Variants in CAB39L observed in about 807,000 individuals in gnomAD.
The protein encoded by CAB39L is calcium binding protein 39 like.
A neutral mutation model predicts 39.1 loss-of-function variants in CAB39L; 23 were observed. The observed-to-expected ratio is 0.59, with a 90% CI of 0.42 to 0.83. The LOEUF (loss-of-function observed/expected upper bound fraction) is 0.83. Ranked by LOEUF, CAB39L falls within the 40% of genes least tolerant of loss-of-function variation. The probability of loss-of-function intolerance (pLI) is 0.00; values close to 1 mark genes in which losing one functional copy is unlikely to be tolerated. For synonymous variants in CAB39L, 126 were observed against 137.2 expected (o/e 0.92, Z 0.57); for missense variants, 366 against 391.9 (o/e 0.93, Z 0.56).
intron 4 of CAB39L, 25 bp downstream of exon 4, chr13:49,382,775 A>G: frequency 7.1e-7 from 1 of 1,414,634 alleles, no homozygotes. Flanking sequence ...TACTTTAATC[A>G]TAATGTTACT....
At chr13:49,323,878 A>C (rs1020123041) in intron 10 of CAB39L, among the ~76,000 whole-genome samples, 2 of 152,076 alleles carry the variant, frequency 1.3e-5, no homozygotes, top group African/African-American at 4.8e-5. Context: ...ACAATGAGTA[A>C]TTTTTTTAAT....
chr13:49,419,011 C>A (rs1957128657), intron 3 of CAB39L, among the ~76,000 whole-genome samples: 1 of 152,146 alleles, frequency 6.6e-6, no homozygotes, highest in Admixed American at 6.5e-5. Context: ...CTCTGTTGCC[C>A]ATGCTGGGTG....
chr13:49,414,713 T>C (rs574165888), intron 3 of CAB39L, among the ~76,000 whole-genome samples: 5 of 152,280 alleles, frequency 3.3e-5, no homozygotes, highest in South Asian at 2.1e-4. Flanking sequence ...TTTATATAGA[T>C]AAAAGACTAG....
chr13:49,441,595 T>G (rs1312005521), intron 1 of CAB39L, among the ~76,000 whole-genome samples: 1 of 152,160 alleles, frequency 6.6e-6, no homozygotes, highest in Non-Finnish European at 1.5e-5. Flanking sequence ...GGTTCCTATG[T>G]TACACTGTAT....
intron 1 of CAB39L, among the ~76,000 whole-genome samples, chr13:49,439,920 G>GTTTTTTTT (rs1270438947): frequency 1.2e-4 from 5 of 41,366 alleles, no homozygotes; most frequent in African/African-American, 3.9e-4. Context: ...CTTTTTAATG[G>GTTTTTTTT]GTTTTTTTTT....
At chr13:49,432,791 A>T (rs559977353) in intron 3 of CAB39L, among the ~76,000 whole-genome samples, 59 of 152,304 alleles carry the variant, frequency 3.9e-4, no homozygotes, top group African/African-American at 1.3e-3. Context: ...AGTGAATGTG[A>T]GCTGATAACC....
rs59783079 is a variant in CAB39L at position 49,441,221 on chromosome 13, G to GTATATATATATATA, written c.-246+2751_-246+2764dup. 3.8e-3 allele frequency among the ~76,000 whole-genome samples: 459 copies of GTATATATATATATA among 121,380 alleles called. 5 individuals are homozygous for GTATATATATATATA. Among genetic ancestry groups the GTATATATATATATA allele is most frequent in the South Asian group, 0.012 (50 of 4,024 alleles). The allele number at this position is 121,380 out of a possible 152,430, so 79.6% of individuals were successfully genotyped here. A position where few individuals can be genotyped will look rare whatever the true frequency, so the allele number is the denominator to read the frequency against. On this transcript the variant is annotated intron_variant, in intron 1 of 10. Transcript: ENST00000409308. ...GATGATTTTCTTATAATGATTTAGTGTATATATATATATATATATATATTC... is the reference window on the plus strand; with the variant it reads ...GATGATTTTCTTATAATGATTTAGTGTATATATATATATATATATATATATATATATATATATTC...
intron 10 of CAB39L, among the ~76,000 whole-genome samples, chr13:49,329,541 AAAAATATATATATATATATATATATAT>A (rs1954611587): frequency 1.1e-4 from 4 of 36,496 alleles, no homozygotes; most frequent in Admixed American, 3.6e-4. Flanking sequence ...AATTAAAAAA[AAAAATATATATATATATATATATATAT>A]ATATATATAT....
chr13:49,387,558 T>C (rs1299413665), intron 3 of CAB39L, among the ~76,000 whole-genome samples: 2 of 152,220 alleles, frequency 1.3e-5, no homozygotes, highest in Admixed American at 6.5e-5. Context: ...ACAATGGCCC[T>C]GTTATACTTT....
At position 49,350,852 on chromosome 13, in the gene CAB39L, A is replaced by G. The variant is rs200967308; in HGVS notation, c.456T>C (p.His152=). The G allele has an allele frequency of 7.4e-6, 12 of 1,612,778 alleles. No homozygotes were observed. The East Asian group carries it at 1.8e-4, about 24-fold the overall frequency. ...CGIMLRECIR[H]EPLAKIILFS... ...AGAGGATGATTTTGGCAAGTGGTTC[A>G]TGTCGAATACATTCTCTCAGCATAA... The change falls in exon 7 of 11, where the codon CAT becomes CAC. Residue 152 remains histidine (H), a synonymous_variant. Transcript: ENST00000409308.
At chr13:49,340,259 A>C (rs71434469) in intron 8 of CAB39L, among the ~76,000 whole-genome samples, 3,910 of 152,272 alleles carry the variant, frequency 0.026, 83 homozygotes, top group Admixed American at 0.051. Flanking sequence ...CTGGTGCACG[A>C]AGTCTTCTTT....
intron 4 of CAB39L, 77 bp from the exon 5 acceptor site, chr13:49,377,208 A>C: frequency 8.1e-7 from 1 of 1,239,014 alleles, no homozygotes; most frequent in Non-Finnish European, 1.1e-6. Flanking sequence ...AATAATCCAA[A>C]AAACCACTTC....
chr13:49,399,870 A>G (rs1353666650), intron 3 of CAB39L, among the ~76,000 whole-genome samples: 1 of 152,106 alleles, frequency 6.6e-6, no homozygotes, highest in Non-Finnish European at 1.5e-5. Flanking sequence ...TATTATCTCT[A>G]TGATGTTTAC....
In CAB39L at chr13:49,329,542, AAAATATATATATAT is replaced by A. The variant is rs1351850849; in HGVS notation, c.834+2391_834+2404del. 8.8e-3 allele frequency among the ~76,000 whole-genome samples: 339 copies of A among 38,422 alleles called. 21 individuals carry two copies. Among genetic ancestry groups the A allele is most frequent in the East Asian group, 0.046 (67 of 1,460 alleles). 25.2% of individuals were successfully genotyped at this position (38,422 alleles called of 152,430 possible). ...CTACATATCTCTTCAATTAAAAAAA[AAAATATATATATAT>A]ATATATATATATATATATATATATA... On this transcript the variant is annotated intron_variant, in intron 10 of 10. Transcript: ENST00000409308.
At chr13:49,342,043 T>G (rs1955023132) in intron 8 of CAB39L, among the ~76,000 whole-genome samples, 1 of 152,202 alleles carries the variant, frequency 6.6e-6, no homozygotes, top group Non-Finnish European at 1.5e-5. Flanking sequence ...AAAATTTATT[T>G]TATTTATAAT....
intron 3 of CAB39L, among the ~76,000 whole-genome samples, chr13:49,411,686 G>A (rs1956993524): frequency 6.6e-6 from 1 of 152,124 alleles, no homozygotes. Context: ...TGGTTGCACA[G>A]TAGATGCACT....
In CAB39L at chr13:49,374,903, C is replaced by T. The variant is rs529641811; in HGVS notation, c.276+2064G>A. 2.2e-4 allele frequency among the ~76,000 whole-genome samples: 34 copies of T among 152,276 alleles called. No individual in the cohort carries two copies. The South Asian group carries it at 2.7e-3, about 12-fold the overall frequency. ...ACTTATGAATTAATGACGACAGTAG[C>T]TTAATATGCTGCTGTTCTCAGAGAA... On this transcript the variant is annotated intron_variant, in intron 5 of 10. Transcript: ENST00000409308.
chr13:49,402,731 G>A lies in CAB39L; in HGVS notation c.-31-19790C>T, dbSNP rs149456600. ...AGTAAAAGTCGGCCTTAAAATATAG[G>A]TGTTTTGATCTCGTTTATTTAAAGT... On this transcript the variant is annotated intron_variant, in intron 3 of 10. Coordinates refer to ENST00000409308, the MANE Select transcript of CAB39L (RefSeq NM_001079670.3). Among the ~76,000 whole-genome samples, 281 of 152,054 alleles carry A rather than the reference G, an allele frequency of 1.8e-3. 4 individuals are homozygous for A. Among genetic ancestry groups the A allele is most frequent in the South Asian group, 0.014 (67 of 4,810 alleles).
At chr13:49,401,605 T>C (rs1420737312) in intron 3 of CAB39L, 1 of 152,134 alleles carries the variant, frequency 6.6e-6, no homozygotes, top group African/African-American at 2.4e-5. Context: ...GTCACAAGAA[T>C]GCGTGTAAAG....
Sources: allele counts gnomAD v4.1 joint callset (sites outside exome capture counted in the v4.1 genomes callset), GRCh38; gene constraint gnomAD v4.1.1; transcripts MANE v1.5; gene names NCBI Gene and HGNC (gene_info 2026-07-23, HGNC 2026-07-21).